The following SYT1 variants were observed in gnomAD, a reference collection of about 807,000 sequenced individuals.
The protein encoded by SYT1 is synaptotagmin-1.
A neutral mutation model predicts 44.8 loss-of-function variants in SYT1; 8 were observed. The observed-to-expected ratio is 0.18, with a 90% CI of 0.10 to 0.32. The LOEUF (loss-of-function observed/expected upper bound fraction) is 0.32. SYT1 is among the 10% of genes least tolerant of loss of function. The pLI, the probability that SYT1 is intolerant of heterozygous loss-of-function variation, is 1.00. For missense variants in SYT1, 286 were observed against 509.3 expected (o/e 0.56, Z 4.22); for synonymous variants, 154 against 188.8 (o/e 0.82, Z 1.51).
chr12:79,163,279 A>G (rs1307780822), intron 3 of SYT1, among the ~76,000 whole-genome samples: 1 of 152,034 alleles, frequency 6.6e-6, no homozygotes, highest in Non-Finnish European at 1.5e-5. Flanking sequence ...GGCAACTGTA[A>G]ACATATGTTT....
At chr12:79,441,239 C>G (rs1326949362) in intron 9 of SYT1, among the ~76,000 whole-genome samples, 1 of 151,728 alleles carries the variant, frequency 6.6e-6, no homozygotes, top group Non-Finnish European at 1.5e-5. Flanking sequence ...AAGACCGAGA[C>G]TTCCCGTTTA....
chr12:79,111,010 C>G (rs906093961), intron 3 of SYT1, among the ~76,000 whole-genome samples: 3 of 151,778 alleles, frequency 2.0e-5, no homozygotes, highest in Admixed American at 2.0e-4. Flanking sequence ...TTCCTCACCT[C>G]TCACCTACAC....
chr12:79,170,041 T>G (rs1271852909), intron 3 of SYT1, among the ~76,000 whole-genome samples: 14 of 152,144 alleles, frequency 9.2e-5, no homozygotes, highest in Middle Eastern at 3.2e-3. Flanking sequence ...TTCTTTTTTA[T>G]GGCTACATAG....
chr12:78,887,242 ATGCTG>A (rs1451382030), intron 1 of SYT1, among the ~76,000 whole-genome samples: 1 of 151,904 alleles, frequency 6.6e-6, no homozygotes, highest in East Asian at 1.9e-4. Flanking sequence ...CAGTATCTCG[ATGCTG>A]TGTTATCCAC....
intron 9 of SYT1, among the ~76,000 whole-genome samples, chr12:79,379,965 C>T (rs1464044397): frequency 1.3e-5 from 2 of 152,182 alleles, no homozygotes; most frequent in Non-Finnish European, 2.9e-5. Flanking sequence ...CTGAACCAAT[C>T]ATCTAACCCA....
chr12:79,156,442 C>CTGT lies in SYT1; in HGVS notation c.-17-61035_-17-61033dup, dbSNP rs34284800. On this transcript the variant is annotated intron_variant, in intron 3 of 10. Coordinates refer to ENST00000261205, the MANE Select transcript of SYT1 (RefSeq NM_005639.3). ...CAGTTAATTGTTGTGGTTGTTGCTG[C>CTGT]TGTTGTTGTTGTTGTTGTTGTTGTT... Among the ~76,000 whole-genome samples the CTGT allele has an allele frequency of 2.2e-3, 318 of 142,012 alleles. 2 individuals carry two copies. The East Asian group carries it at 0.023, about 10-fold the overall frequency. The allele number at this position is 142,012 out of a possible 152,430, so 93.2% of individuals were successfully genotyped here.
intron 2 of SYT1, among the ~76,000 whole-genome samples, chr12:79,016,151 G>A (rs1871792949): frequency 6.6e-6 from 1 of 152,136 alleles, no homozygotes; most frequent in Admixed American, 6.6e-5. Context: ...GTTAAAAACA[G>A]AAGTTCTTTC....
rs1565894574 is a variant in SYT1, at chr12:79,293,385, TAAAATAAAATAAAATA to T, written c.474+1259_474+1274del. On this transcript the variant is annotated intron_variant, in intron 6 of 10. Transcript: ENST00000261205. ...TAAAATAAAATAAAATAAAATAAAA[TAAAATAAAATAAAATA>T]AAATAAAATTAAAAAATCTGTAAGA... 1.4e-3 allele frequency among the ~76,000 whole-genome samples: 112 copies of T among 79,152 alleles called. 3 individuals carry two copies. Among genetic ancestry groups the T allele is most frequent in the East Asian group, 5.6e-3 (11 of 1,960 alleles). 51.9% of individuals were successfully genotyped at this position (79,152 alleles called of 152,430 possible).
At chr12:79,433,554 C>CA (rs551617125) in intron 9 of SYT1, among the ~76,000 whole-genome samples, 12 of 149,308 alleles carry the variant, frequency 8.0e-5, no homozygotes, top group South Asian at 4.2e-4. Context: ...ACCTATATCT[C>CA]AAAAAAAAAA....
chr12:78,907,054 A>G (rs1200409938), intron 1 of SYT1, among the ~76,000 whole-genome samples: 1 of 152,138 alleles, frequency 6.6e-6, no homozygotes, highest in Non-Finnish European at 1.5e-5. Flanking sequence ...GTGTTTAGAC[A>G]GGGAATTTAA....
intron 3 of SYT1, among the ~76,000 whole-genome samples, chr12:79,173,357 C>T (rs1272376775): frequency 6.6e-6 from 1 of 152,006 alleles, no homozygotes; most frequent in African/African-American, 2.4e-5. Flanking sequence ...CTGGACTAAG[C>T]GTGCTTAATT....
At chr12:78,870,375 T>C (rs539970302) in intron 1 of SYT1, among the ~76,000 whole-genome samples, 3 of 152,176 alleles carry the variant, frequency 2.0e-5, no homozygotes, top group African/African-American at 7.2e-5. Context: ...AAATATAGCT[T>C]TATTAATAAT....
At chr12:79,447,354 G>C (rs1431652887) in intron 10 of SYT1, among the ~76,000 whole-genome samples, 5 of 152,102 alleles carry the variant, frequency 3.3e-5, no homozygotes, top group Admixed American at 2.6e-4. Flanking sequence ...CTGTCCTTCT[G>C]TCTTTCTCTA....
intron 9 of SYT1, among the ~76,000 whole-genome samples, chr12:79,392,054 C>T (rs947300512): frequency 1.3e-5 from 2 of 152,042 alleles, no homozygotes; most frequent in East Asian, 3.9e-4. Flanking sequence ...TTGAAGAATG[C>T]GTAGGTACCA....
intron 8 of SYT1, among the ~76,000 whole-genome samples, chr12:79,327,767 T>C (rs1236066539): frequency 6.6e-6 from 1 of 152,152 alleles, no homozygotes; most frequent in Admixed American, 6.5e-5. Flanking sequence ...TCAGAAGAGA[T>C]GGTCAGAATG....
intron 3 of SYT1, among the ~76,000 whole-genome samples, chr12:79,086,734 G>A (rs1458584216): frequency 3.3e-5 from 5 of 152,152 alleles, no homozygotes; most frequent in African/African-American, 4.8e-5. Flanking sequence ...TTGGTGCAAG[G>A]TGCCTTTCTG....
intron 8 of SYT1, among the ~76,000 whole-genome samples, chr12:79,339,490 A>G (rs1474042333): frequency 4.6e-5 from 7 of 152,118 alleles, no homozygotes; most frequent in Middle Eastern, 3.2e-3. Context: ...ATCTGTTCAT[A>G]TCCTTTGCCC....
intron 3 of SYT1, among the ~76,000 whole-genome samples, chr12:79,059,794 G>A (rs1346854737): frequency 6.6e-6 from 1 of 151,976 alleles, no homozygotes; most frequent in African/African-American, 2.4e-5. Flanking sequence ...AGTGGATGTT[G>A]GTAACTGAAC....
chr12:79,012,237 C>T (rs1230027781), intron 2 of SYT1, among the ~76,000 whole-genome samples: 1 of 151,772 alleles, frequency 6.6e-6, no homozygotes, highest in African/African-American at 2.4e-5. Context: ...GAGGTCCAGA[C>T]TCTATTTTTG....
Sources: gnomAD v4.1 joint callset for allele counts (sites outside exome capture counted in the v4.1 genomes callset) on GRCh38, gnomAD v4.1.1 for gene constraint, MANE v1.5 for transcripts, NCBI Gene and HGNC (gene_info 2026-07-23, HGNC 2026-07-21) for gene names.